Variants in NAV3 observed in about 807,000 individuals in gnomAD.
NAV3 encodes the protein neuron navigator 3.
Under a neutral mutation model 244.7 loss-of-function variants are expected in NAV3, and 87 were observed. The ratio of observed to expected loss-of-function variants is 0.36; its 90% CI spans 0.30 to 0.42. NAV3 has a LOEUF of 0.42. Ranked by LOEUF, NAV3 falls within the 20% of genes least tolerant of loss-of-function variation. The pLI is 1.00. For synonymous variants in NAV3, 1,126 were observed against 1,042.2 expected (o/e 1.08, Z -1.55); for missense variants, 2,663 against 2,893.3 (o/e 0.92, Z 1.83).
At chr12:77,861,815 G>A (rs1183192653) in intron 1 of NAV3, among the ~76,000 whole-genome samples, 1 of 151,736 alleles carries the variant, frequency 6.6e-6, no homozygotes, top group Non-Finnish European at 1.5e-5. Context: ...CATTTTCTAT[G>A]TTTAGAGTCC....
At chr12:77,804,361 A>G (rs1291484842) in intron 2 of NAV3, among the ~76,000 whole-genome samples, 1 of 152,198 alleles carries the variant, frequency 6.6e-6, no homozygotes, top group Non-Finnish European at 1.5e-5. Flanking sequence ...AAGGTGTATA[A>G]GGGGTACAGT....
chr12:77,758,408 TAAGTA>T (rs1465657446), intron 2 of NAV3, among the ~76,000 whole-genome samples: 1 of 152,140 alleles, frequency 6.6e-6, no homozygotes, highest in Non-Finnish European at 1.5e-5. Context: ...TAATAAATGA[TAAGTA>T]AATACATGAA....
chr12:77,652,990 T>C (rs1592542800), intron 2 of NAV3, among the ~76,000 whole-genome samples: 1 of 152,218 alleles, frequency 6.6e-6, no homozygotes, highest in East Asian at 1.9e-4. Flanking sequence ...TGGATGTTAA[T>C]AGGGTTATGT....
In NAV3 at chr12:77,759,041, C is replaced by T. The variant is rs34461854; in HGVS notation, c.73-181278C>T. Among the ~76,000 whole-genome samples, 768 of 152,290 alleles carry T rather than the reference C, an allele frequency of 5.0e-3. 4 individuals carry two copies. Among genetic ancestry groups the T allele is most frequent in the Non-Finnish European group, 7.7e-3 (526 of 68,026 alleles). ...TGGCCCCATTCTGAGTGCTCAGTTG[C>T]GTTTGTGGCTAGCAGCTGCCACATT... is the stretch of plus-strand genomic sequence containing the variant. On this transcript the variant is annotated intron_variant, in intron 2 of 8. Transcript: ENST00000550042.
At chr12:78,069,950 A>C (rs1443059366) in intron 12 of NAV3, among the ~76,000 whole-genome samples, 1 of 152,098 alleles carries the variant, frequency 6.6e-6, no homozygotes, top group Non-Finnish European at 1.5e-5. Context: ...CAATTATGAA[A>C]TATTTTGTCA....
rs375864481 is a variant in NAV3, at chr12:77,804,132, T to C, written c.73-136187T>C. 7.2e-5 allele frequency among the ~76,000 whole-genome samples: 11 copies of C among 152,190 alleles called. No individual in the cohort carries two copies. In the South Asian group the frequency reaches 1.4e-3, roughly 20 times the overall value. On this transcript the variant is annotated intron_variant, in intron 2 of 8. Transcript: ENST00000550042. Reference sequence around the variant, plus strand: ...TTTTGTTTTGTTTGTTTGTTTGTTTTGCTGTGCAGAAGCACTTTAATTGGG... The same window carrying C: ...TTTTGTTTTGTTTGTTTGTTTGTTTCGCTGTGCAGAAGCACTTTAATTGGG...
chr12:77,740,526 T>C (rs1868309064), intron 2 of NAV3, among the ~76,000 whole-genome samples: 1 of 152,060 alleles, frequency 6.6e-6, no homozygotes, highest in African/African-American at 2.4e-5. Flanking sequence ...TTTGAGACAG[T>C]ATTGTAAACA....
At chr12:77,845,135 A>G (rs76225894) in intron 1 of NAV3, among the ~76,000 whole-genome samples, 2,832 of 152,024 alleles carry the variant, frequency 0.019, 40 homozygotes, top group Non-Finnish European at 0.027. Flanking sequence ...ATATGTGTGT[A>G]TATATATATA....
intron 2 of NAV3, among the ~76,000 whole-genome samples, chr12:77,774,922 A>G (rs1307532863): frequency 6.6e-6 from 1 of 152,218 alleles, no homozygotes; most frequent in African/African-American, 2.4e-5. Context: ...ATATTTCTGT[A>G]TCATAGTGTC....
chr12:77,987,763 G>A (rs1029791820), intron 5 of NAV3, among the ~76,000 whole-genome samples: 5 of 152,120 alleles, frequency 3.3e-5, no homozygotes, highest in African/African-American at 4.8e-5. Context: ...CAGTATTCAA[G>A]ACATATCGAG....
chr12:77,906,033 A>G (rs1309526125), intron 1 of NAV3, among the ~76,000 whole-genome samples: 1 of 152,134 alleles, frequency 6.6e-6, no homozygotes, highest in Non-Finnish European at 1.5e-5. Flanking sequence ...AAGCTATACC[A>G]ATTCCATTTC....
intron 3 of NAV3, among the ~76,000 whole-genome samples, chr12:77,953,539 C>T (rs1186624511): frequency 6.6e-6 from 1 of 152,150 alleles, no homozygotes; most frequent in African/African-American, 2.4e-5. Flanking sequence ...AATAAACGTA[C>T]TCCTTGTATC....
chr12:78,140,093 G>A (rs1817450507), intron 19 of NAV3, among the ~76,000 whole-genome samples, 189 bp from the exon 20 acceptor site: 2 of 152,134 alleles, frequency 1.3e-5, no homozygotes. Context: ...TAGGGAGTAT[G>A]GATGGGGCTC....
chr12:77,801,805 C>A (rs1442903553), intron 2 of NAV3, among the ~76,000 whole-genome samples: 1 of 152,170 alleles, frequency 6.6e-6, no homozygotes, highest in Non-Finnish European at 1.5e-5. Context: ...CATTCCCTAA[C>A]TCTCTGCCTG....
intron 2 of NAV3, among the ~76,000 whole-genome samples, chr12:77,656,857 T>C (rs1275123269): frequency 6.6e-6 from 1 of 152,020 alleles, no homozygotes; most frequent in Non-Finnish European, 1.5e-5. Context: ...CCTGAATGAC[T>C]ACTGGGTACA....
At chr12:77,944,150 G>C (rs1890118596) in intron 3 of NAV3, among the ~76,000 whole-genome samples, 1 of 152,134 alleles carries the variant, frequency 6.6e-6, no homozygotes, top group Non-Finnish European at 1.5e-5. Context: ...ACAAATAGAA[G>C]AGCACCGTGG....
At position 77,998,471 on chromosome 12, in the gene NAV3, A is replaced by G. The variant is rs1162949231; in HGVS notation, c.875A>G (p.Glu292Gly). Reference sequence around the variant, plus strand: ...CCTCCAAATTATGCAAATGGAAACGAAAAAGGTAAGTGTTTGTTACATCAT... The same window carrying G: ...CCTCCAAATTATGCAAATGGAAACGGAAAAGGTAAGTGTTTGTTACATCAT... ...NKPPNYANGN[E>G]KDSSKGPQSS... Residue 292 changes from glutamate (E) to glycine (G), a missense_variant, in exon 7 of 40, where the codon GAA becomes GGA. Glu to Gly is a moderately conservative substitution (Grantham distance 98, BLOSUM62 -2). This residue lies in a region of NAV3 where 1,521 missense variants were observed against 1,497.0 expected (regional missense o/e 1.02). Coordinates refer to ENST00000397909, the MANE Select transcript of NAV3 (RefSeq NM_001024383.2). 1 of 1,602,396 alleles carries G rather than the reference A, an allele frequency of 6.2e-7. No homozygotes were observed. Among genetic ancestry groups the G allele is most frequent in the Admixed American group, 1.7e-5 (1 of 57,234 alleles).
chr12:77,928,973 G>A (rs1404021620), intron 1 of NAV3, among the ~76,000 whole-genome samples: 1 of 152,196 alleles, frequency 6.6e-6, no homozygotes, highest in African/African-American at 2.4e-5. Flanking sequence ...GGAGGTCAAT[G>A]TTGATTATTT....
At chr12:78,038,094 G>T (rs1880221146) in intron 9 of NAV3, among the ~76,000 whole-genome samples, 2 of 152,068 alleles carry the variant, frequency 1.3e-5, no homozygotes, top group African/African-American at 4.8e-5. Flanking sequence ...GTAACTTCTG[G>T]CATAATCTTT....
Sources: allele counts gnomAD v4.1 joint callset (sites outside exome capture counted in the v4.1 genomes callset), GRCh38; gene constraint gnomAD v4.1.1; regional missense constraint gnomAD v4.1.1; transcripts MANE v1.5; gene names NCBI Gene and HGNC (gene_info 2026-07-23, HGNC 2026-07-21).